Variants in SGCD observed in about 807,000 individuals in gnomAD.
SGCD encodes delta-sarcoglycan.
SGCD carries 18 observed loss-of-function variants against 36.6 expected under a neutral mutation model. The observed-to-expected ratio is 0.49, with a 90% confidence interval of 0.34 to 0.73. The LOEUF is 0.73. Among genes scored for constraint, SGCD ranks in the 30% least tolerant of loss-of-function variants. The pLI, the probability that SGCD is intolerant of heterozygous loss-of-function variation, is 0.01. For synonymous variants in SGCD, 133 were observed against 130.6 expected (o/e 1.02, Z -0.12); for missense variants, 387 against 346.7 (o/e 1.12, Z -0.92).
chr5:156,425,277 G>C (rs1285173397), intron 3 of SGCD, among the ~76,000 whole-genome samples: 1 of 152,014 alleles, frequency 6.6e-6, no homozygotes, highest in African/African-American at 2.4e-5. Context: ...GTTCAGAAGA[G>C]GAGTCAGGAT....
At position 156,759,575 on chromosome 5, in the gene SGCD, T is replaced by A. The variant is rs1757461042; in HGVS notation, c.*185T>A. On this transcript the variant is annotated 3_prime_UTR_variant, in exon 9 of 9. Transcript: ENST00000337851. Reference sequence around the variant, plus strand: ...GGATATAAATATATATAAATATATATAAATAAATATATATATCCTCTGTAT... The same window carrying A: ...GGATATAAATATATATAAATATATAAAAATAAATATATATATCCTCTGTAT... 1 of 176,054 alleles carries A rather than the reference T, an allele frequency of 5.7e-6. No individual in the cohort carries two copies. The highest frequency in any genetic ancestry group is 6.3e-5 in the Admixed American group (1 of 15,914). The allele number at this position is 176,054 out of a possible 1,614,324, so 10.9% of individuals were successfully genotyped here. A position where few individuals can be genotyped will look rare whatever the true frequency, so the allele number is the denominator to read the frequency against.
At chr5:155,939,995 G>A (rs766610431) in intron 1 of SGCD, among the ~76,000 whole-genome samples, 4 of 151,938 alleles carry the variant, frequency 2.6e-5, no homozygotes, top group East Asian at 2.0e-4. Flanking sequence ...CATCATGCCC[G>A]GCTAATTTTT....
intron 4 of SGCD, among the ~76,000 whole-genome samples, chr5:156,586,751 G>T (rs1210601690): frequency 4.6e-5 from 7 of 152,128 alleles, no homozygotes; most frequent in South Asian, 2.1e-4. Context: ...TAAGATTTTG[G>T]TTTTTTTGTT....
At chr5:156,477,653 TTTATAGAC>T (rs372636685) in intron 3 of SGCD, among the ~76,000 whole-genome samples, 476 of 150,368 alleles carry the variant, frequency 3.2e-3, no homozygotes, top group African/African-American at 0.011. Context: ...ATCCTGGTTT[TTTATAGAC>T]AACACAGCTT....
intron 3 of SGCD, among the ~76,000 whole-genome samples, chr5:156,472,452 CTG>C (rs1284161644): frequency 2.6e-5 from 4 of 152,172 alleles, no homozygotes; most frequent in African/African-American, 9.7e-5. Flanking sequence ...GAGTCTCACT[CTG>C]TAACCCAGTC....
chr5:156,301,165 ACTTC>A (rs1767045513), intron 3 of SGCD, among the ~76,000 whole-genome samples: 1 of 151,744 alleles, frequency 6.6e-6, no homozygotes. Context: ...GTCGTCTCTT[ACTTC>A]CTTCTTTCTT....
At chr5:156,702,206 C>G (rs894331183) in intron 7 of SGCD, among the ~76,000 whole-genome samples, 6 of 152,212 alleles carry the variant, frequency 3.9e-5, no homozygotes, top group Middle Eastern at 6.8e-3. Flanking sequence ...AGTACTTTAA[C>G]TATTGTTTAC....
chr5:156,164,989 C>A (rs1763178880), intron 3 of SGCD, among the ~76,000 whole-genome samples: 12 of 152,062 alleles, frequency 7.9e-5, no homozygotes, highest in Admixed American at 7.9e-4. Context: ...AGAGTTGTGC[C>A]AATGAAATGA....
At chr5:156,397,903 T>C (rs942578131) in intron 3 of SGCD, among the ~76,000 whole-genome samples, 2 of 152,168 alleles carry the variant, frequency 1.3e-5, no homozygotes, top group African/African-American at 4.8e-5. Flanking sequence ...CTCTCTTGCC[T>C]ATTGAAAAAC....
At chr5:156,600,650 C>A (rs1311215619) in intron 6 of SGCD, among the ~76,000 whole-genome samples, 1 of 152,106 alleles carries the variant, frequency 6.6e-6, no homozygotes, top group Admixed American at 6.5e-5. Flanking sequence ...CTTAAGACAT[C>A]TCTTTGATGT....
At chr5:156,206,683 T>C (rs899435643) in intron 3 of SGCD, among the ~76,000 whole-genome samples, 12 of 152,094 alleles carry the variant, frequency 7.9e-5, no homozygotes, top group African/African-American at 2.7e-4. Context: ...ACCAGAAAGA[T>C]GTAAAAGTTA....
At chr5:156,615,198 C>T (rs949515892) in intron 6 of SGCD, among the ~76,000 whole-genome samples, 2 of 152,114 alleles carry the variant, frequency 1.3e-5, no homozygotes, top group Non-Finnish European at 2.9e-5. Flanking sequence ...AGTGACAACA[C>T]CAGGGAAAAC....
intron 1 of SGCD, among the ~76,000 whole-genome samples, chr5:155,987,573 A>G (rs1758355445): frequency 6.6e-6 from 1 of 152,098 alleles, no homozygotes; most frequent in African/African-American, 2.4e-5. Flanking sequence ...TTGTTTTAGG[A>G]TGAAGCCCCA....
At chr5:156,715,753 C>T (rs150777425) in intron 7 of SGCD, among the ~76,000 whole-genome samples, 248 of 152,212 alleles carry the variant, frequency 1.6e-3, no homozygotes, top group African/African-American at 5.7e-3. Context: ...ACACCAGGCC[C>T]CATAAGGCTG....
Position 156,631,517 on chromosome 5 carries a change from T to A in SGCD, c.503-15947T>A, listed in dbSNP as rs534913598. ...GGTTCAACATCTAAGAACATACTCTTTGGCACTGACTAATTCAGTCTTCAT... is the reference window on the plus strand; with the variant it reads ...GGTTCAACATCTAAGAACATACTCTATGGCACTGACTAATTCAGTCTTCAT... On this transcript the variant is annotated intron_variant, in intron 6 of 8. Transcript: ENST00000337851. Among the ~76,000 whole-genome samples, 20 of 151,724 alleles carry A rather than the reference T, an allele frequency of 1.3e-4. No homozygotes were observed. In the South Asian group the frequency reaches 4.2e-3, roughly 32 times the overall value.
intron 7 of SGCD, among the ~76,000 whole-genome samples, chr5:156,736,281 A>G (rs977136525): frequency 3.3e-5 from 5 of 152,018 alleles, no homozygotes; most frequent in African/African-American, 1.2e-4. Context: ...ACTCTGCTTT[A>G]TTGCAGTTTT....
intron 1 of SGCD, among the ~76,000 whole-genome samples, chr5:156,084,436 T>G (rs2127592407): frequency 6.6e-6 from 1 of 152,344 alleles, no homozygotes; most frequent in South Asian, 2.1e-4. Context: ...TTTTTGGTTT[T>G]GATCTTATAA....
At chr5:156,147,929 A>T (rs1036945701) in intron 3 of SGCD, among the ~76,000 whole-genome samples, 1 of 152,200 alleles carries the variant, frequency 6.6e-6, no homozygotes, top group Non-Finnish European at 1.5e-5. Flanking sequence ...CTCCTGAATG[A>T]AATAAAAAGG....
At chr5:156,539,714 T>C (rs563064642) in intron 4 of SGCD, among the ~76,000 whole-genome samples, 2 of 152,308 alleles carry the variant, frequency 1.3e-5, no homozygotes, top group South Asian at 4.1e-4. Context: ...TGTGTTGCTA[T>C]AAACATGGTT....
Sources: gnomAD v4.1 joint callset for allele counts (sites outside exome capture counted in the v4.1 genomes callset) on GRCh38, gnomAD v4.1.1 for gene constraint, MANE v1.5 for transcripts, NCBI Gene and HGNC (gene_info 2026-07-23, HGNC 2026-07-21) for gene names.